NRG3: variants seen among roughly 807,000 people sequenced by gnomAD.
The protein encoded by NRG3 is neuregulin 3, also known as pro-neuregulin-3, membrane-bound isoform.
In NRG3, 31 loss-of-function variants were observed where a neutral mutation model predicts 66.9. The ratio of observed to expected loss-of-function variants is 0.46; its 90% CI spans 0.35 to 0.63. The LOEUF is 0.63. Ranked by LOEUF, NRG3 falls within the 20% of genes least tolerant of loss-of-function variation. The pLI is 0.00. For missense variants in NRG3, 910 were observed against 878.9 expected, an observed-to-expected ratio of 1.04 and a Z score of -0.45; for synonymous variants, 393 against 359.4, an observed-to-expected ratio of 1.09 and a Z score of -1.06.
In NRG3 at chr10:82,432,034, A is replaced by G. The variant is rs527367146; in HGVS notation, c.953+73166A>G. 2.0e-5 allele frequency among the ~76,000 whole-genome samples: 3 copies of G among 152,316 alleles called. No individual in the cohort carries two copies. In the South Asian group the frequency reaches 6.2e-4, roughly 32 times the overall value. ...TTTATAGCATATTTTTTAAACACAA[A>G]AAACAAAACAGCAAATAGATTTACA... On this transcript the variant is annotated intron_variant, in intron 2 of 8. Coordinates refer to ENST00000372141, the MANE Select transcript of NRG3 (RefSeq NM_001010848.4).
intron 1 of NRG3, among the ~76,000 whole-genome samples, chr10:81,903,603 A>G (rs995972483): frequency 3.9e-5 from 6 of 152,174 alleles, no homozygotes; most frequent in African/African-American, 1.4e-4. Flanking sequence ...GAGAACTCGT[A>G]TATCATATGG....
chr10:81,935,833 C>A (rs1320056181), intron 1 of NRG3, among the ~76,000 whole-genome samples: 3 of 151,452 alleles, frequency 2.0e-5, no homozygotes, highest in Non-Finnish European at 4.4e-5. Context: ...TGTCCAGCTT[C>A]TCAATTTACC....
chr10:82,814,140 G>A (rs970642697), intron 3 of NRG3, among the ~76,000 whole-genome samples: 20 of 152,174 alleles, frequency 1.3e-4, no homozygotes, highest in African/African-American at 4.6e-4. Flanking sequence ...GCAGATGAAA[G>A]CATTTCCTCC....
At position 82,369,247 on chromosome 10, in the gene NRG3, G is replaced by T. The variant is rs1024223070; in HGVS notation, c.953+10379G>T. The stretch of plus-strand genomic sequence containing the variant: ...AAACTCTCTCCTTTATTGTCCCAGT[G>T]GTTCAGGAATTCAAACTGCTTCAAA... On this transcript the variant is annotated intron_variant, in intron 2 of 8. Coordinates refer to ENST00000372141, the MANE Select transcript of NRG3 (RefSeq NM_001010848.4). 2.9e-5 allele frequency among the ~76,000 whole-genome samples: 4 copies of T among 138,526 alleles called. 1 individual carries two copies. The highest frequency in any genetic ancestry group is 5.9e-5 in the Non-Finnish European group (4 of 67,538). The allele number at this position is 138,526 out of a possible 152,430, so 90.9% of individuals were successfully genotyped here.
chr10:81,918,779 C>T (rs1445453872), intron 1 of NRG3, among the ~76,000 whole-genome samples: 1 of 148,964 alleles, frequency 6.7e-6, no homozygotes, highest in African/African-American at 2.5e-5. Flanking sequence ...CCTGCTGCAA[C>T]TGGTTTCCTT....
intron 2 of NRG3, among the ~76,000 whole-genome samples, chr10:82,376,760 G>T: frequency 6.6e-6 from 1 of 152,298 alleles, no homozygotes; most frequent in East Asian, 1.9e-4. Flanking sequence ...ATGGCTGCAT[G>T]TTTACAAGCT....
chr10:82,943,529 C>G (rs1354401738), intron 4 of NRG3, among the ~76,000 whole-genome samples: 2 of 152,330 alleles, frequency 1.3e-5, no homozygotes, highest in East Asian at 1.9e-4. Context: ...GCCAGGGAAC[C>G]TGGAATTTTT....
At position 82,779,115 on chromosome 10, in the gene NRG3, A is replaced by C. The variant is rs1169027628; in HGVS notation, c.1027+40465A>C. 2.6e-5 allele frequency among the ~76,000 whole-genome samples: 4 copies of C among 152,200 alleles called. No homozygotes were observed. In the South Asian group the frequency reaches 8.3e-4, roughly 32 times the overall value. ...ATTGTGATGCACAGTAGCAGCACGGACCACAGGGGGTGGGGTGCAATGTGA... is the reference window on the plus strand; with the variant it reads ...ATTGTGATGCACAGTAGCAGCACGGCCCACAGGGGGTGGGGTGCAATGTGA... On this transcript the variant is annotated intron_variant, in intron 3 of 8. Transcript: ENST00000372141.
At chr10:82,580,480 T>G (rs1338212924) in intron 2 of NRG3, among the ~76,000 whole-genome samples, 4 of 152,006 alleles carry the variant, frequency 2.6e-5, no homozygotes, top group African/African-American at 9.7e-5. Context: ...CATGATGTCA[T>G]GTATCCACCA....
At chr10:82,963,063 C>A (rs1051286309) in intron 6 of NRG3, among the ~76,000 whole-genome samples, 1 of 151,970 alleles carries the variant, frequency 6.6e-6, no homozygotes, top group Non-Finnish European at 1.5e-5. Context: ...AATGTACAAG[C>A]ATATAATATC....
intron 2 of NRG3, among the ~76,000 whole-genome samples, chr10:82,481,002 G>C (rs1590285056): frequency 6.6e-6 from 1 of 152,124 alleles, no homozygotes; most frequent in East Asian, 1.9e-4. Flanking sequence ...ACTATCCAAA[G>C]TATATCTCAT....
intron 1 of NRG3, among the ~76,000 whole-genome samples, chr10:81,993,505 A>G (rs2060819797): frequency 6.6e-6 from 1 of 151,912 alleles, no homozygotes; most frequent in African/African-American, 2.4e-5. Context: ...TGCCACCACA[A>G]CCAGCTAATT....
rs1014717167 is a variant in NRG3 at position 82,114,983 on chromosome 10, T to G, written c.823+238820T>G. ...TCTTCTCAATCGCTCAGTTTTCTTT[T>G]GGAAAAAGGCAGGTTATAGAGCAAT... On this transcript the variant is annotated intron_variant, in intron 1 of 8. Coordinates refer to ENST00000372141, the MANE Select transcript of NRG3 (RefSeq NM_001010848.4). Among the ~76,000 whole-genome samples, 47 of 152,238 alleles carry G rather than the reference T, an allele frequency of 3.1e-4. 1 individual carries two copies. Among genetic ancestry groups the G allele is most frequent in the African/African-American group, 1.1e-3 (47 of 41,564 alleles).
chr10:82,512,315 T>G (rs977473321), intron 2 of NRG3, among the ~76,000 whole-genome samples: 2 of 152,120 alleles, frequency 1.3e-5, no homozygotes. Flanking sequence ...AGATGGAGTT[T>G]CACTCTGTTG....
At chr10:82,647,239 G>A (rs914603418) in intron 2 of NRG3, among the ~76,000 whole-genome samples, 5 of 151,968 alleles carry the variant, frequency 3.3e-5, no homozygotes, top group African/African-American at 1.2e-4. Flanking sequence ...CCACCTATGA[G>A]TGAGAATATG....
intron 3 of NRG3, among the ~76,000 whole-genome samples, chr10:82,769,881 A>G (rs945501521): frequency 6.6e-6 from 1 of 152,150 alleles, no homozygotes; most frequent in Non-Finnish European, 1.5e-5. Flanking sequence ...GATTTCATTG[A>G]TGAACAAGTT....
At chr10:82,969,821 C>T (rs1428360611) in intron 6 of NRG3, among the ~76,000 whole-genome samples, 1 of 152,154 alleles carries the variant, frequency 6.6e-6, no homozygotes, top group African/African-American at 2.4e-5. Context: ...GTGAGAAACA[C>T]ACACATGCAA....
Position 82,979,050 on chromosome 10 carries a change from A to T in NRG3, c.1513A>T (p.Ile505Phe), listed in dbSNP as rs1222265394. ...PPSPRSRLGG[I>F]VGPAYQQLEE... ...GTCACCCCGAAGTAGGCTAGGTGGA[A>T]TTGTGGGACCAGCATATCAGCAACT... Residue 505 changes from isoleucine (I) to phenylalanine (F), a missense_variant, in exon 8 of 9, where the codon ATT becomes TTT. Transcript: ENST00000372141. 2 of 1,614,142 alleles carry T rather than the reference A, an allele frequency of 1.2e-6. No individual in the cohort carries two copies. Among genetic ancestry groups the T allele is most frequent in the South Asian group, 2.2e-5 (2 of 91,090 alleles).
At chr10:81,960,819 A>G (rs578214250) in intron 1 of NRG3, among the ~76,000 whole-genome samples, 1 of 152,026 alleles carries the variant, frequency 6.6e-6, no homozygotes, top group Non-Finnish European at 1.5e-5. Flanking sequence ...GATGAAGTTC[A>G]ACACTTCCTA....
Sources: gnomAD v4.1 joint callset for allele counts (sites outside exome capture counted in the v4.1 genomes callset) on GRCh38, gnomAD v4.1.1 for gene constraint, MANE v1.5 for transcripts, NCBI Gene and HGNC (gene_info 2026-07-23, HGNC 2026-07-21) for gene names.